PI4KA: variants seen among roughly 807,000 people sequenced by gnomAD.
The protein encoded by PI4KA is phosphatidylinositol 4-kinase alpha, also known as PI4-kinase alpha.
A neutral mutation model predicts 271.4 loss-of-function variants in PI4KA; 122 were observed. The ratio of observed to expected loss-of-function variants is 0.45; its 90% CI spans 0.39 to 0.52. The LOEUF (loss-of-function observed/expected upper bound fraction) is 0.52, where lower values mean the gene tolerates loss of function less well. Among genes scored for constraint, PI4KA ranks in the 20% least tolerant of loss-of-function variants. The pLI is 0.00. For synonymous variants in PI4KA, 1,041 were observed against 1,078.8 expected, an observed-to-expected ratio of 0.96 and a Z score of 0.69; for missense variants, 1,969 against 2,769.1, an observed-to-expected ratio of 0.71 and a Z score of 6.48.
chr22:20,793,957 G>A (rs1422577917), intron 18 of PI4KA, among the ~76,000 whole-genome samples: 1 of 152,238 alleles, frequency 6.6e-6, no homozygotes, highest in East Asian at 1.9e-4. Flanking sequence ...ACTGCGGCCA[G>A]GCACTGTGCT....
At chr22:20,761,745 G>A (rs952432642) in intron 22 of PI4KA, among the ~76,000 whole-genome samples, 8 of 152,198 alleles carry the variant, frequency 5.3e-5, no homozygotes, top group African/African-American at 1.7e-4. Flanking sequence ...GCCACCAAAC[G>A]AGAGGCAGCT....
At chr22:20,733,712 G>A in intron 35 of PI4KA, 24 bp downstream of exon 35, 1 of 1,613,882 alleles carries the variant, frequency 6.2e-7, no homozygotes, top group Non-Finnish European at 8.5e-7. Flanking sequence ...CCTGGACGCT[G>A]CACAGCACAT....
rs772638800 is a variant in PI4KA, at chr22:20,803,169, A to G, written c.1591+22T>C. 6 of 1,613,212 alleles carry G rather than the reference A, an allele frequency of 3.7e-6. No homozygotes were observed. The East Asian group carries it at 1.3e-4, about 36-fold the overall frequency. On this transcript the variant is annotated intron_variant, in intron 13 of 54. Transcript: ENST00000255882. The stretch of plus-strand genomic sequence containing the variant: ...ACAGAGCCCCTTTCTCAGGGCCTGA[A>G]GGGCACATAGTCTGTTATTACCTGT...
At position 20,751,306 on chromosome 22, in the gene PI4KA, T is replaced by C; in HGVS notation, c.3140A>G (p.Tyr1047Cys). The C allele has an allele frequency of 6.2e-7, 1 of 1,613,856 alleles. No individual in the cohort carries two copies. The highest frequency in any genetic ancestry group is 8.5e-7 in the Non-Finnish European group (1 of 1,179,794). Residue 1047 changes from tyrosine to cysteine, a missense_variant, in exon 27 of 55, where the codon TAC becomes TGC. Coordinates refer to ENST00000255882, the MANE Select transcript of PI4KA (RefSeq NM_058004.4). Reference protein sequence around the residue: ...APYRITVPDTYEARESIVKDF... With the variant: ...APYRITVPDTCEARESIVKDF... ...TGTCGGGCCTACCTCACGGGCTTCG[T>C]ACGTGTCAGGAACCGTGATCCGGTA...
At chr22:20,728,094 TAA>T (rs930357335) in intron 39 of PI4KA, among the ~76,000 whole-genome samples, 1 of 152,164 alleles carries the variant, frequency 6.6e-6, no homozygotes, top group African/African-American at 2.4e-5. Context: ...AAAATAACTT[TAA>T]AAGAGTGTAA....
chr22:20,799,132 C>G lies in PI4KA; in HGVS notation c.1965G>C (p.Leu655=), dbSNP rs769537449. 3.1e-6 allele frequency: 5 copies of G among 1,613,566 alleles called. No individual in the cohort carries two copies. Among genetic ancestry groups the G allele is most frequent in the Non-Finnish European group, 4.2e-6 (5 of 1,179,824 alleles). Residue 655 remains leucine, a synonymous_variant, in exon 16 of 55, where the codon CTG becomes CTC. Coordinates refer to ENST00000255882, the MANE Select transcript of PI4KA (RefSeq NM_058004.4). The part of the protein sequence containing the change: ...FCQPPSPLDV[L]IIDQLGCLVI... ...CCAGGCAGCCCAGCTGGTCAATAAT[C>G]AGCACATCGAGGGGGGAGGGTGGCT...
intron 19 of PI4KA, chr22:20,780,047 T>C: frequency 6.2e-7 from 1 of 1,614,178 alleles, no homozygotes; most frequent in Middle Eastern, 1.6e-4. Flanking sequence ...AGTATTACTT[T>C]GCTGAGGCCC....
In PI4KA at chr22:20,779,762, C is replaced by T. The variant is rs553724084; in HGVS notation, c.2328+13431G>A. On this transcript the variant is annotated intron_variant, in intron 19 of 54. Coordinates refer to ENST00000255882, the MANE Select transcript of PI4KA (RefSeq NM_058004.4). ...AAGACCAGGTCAACACTTTCGATAA[C>T]ATCTTCATAGCACCCGTTGGCATTT... is the stretch of plus-strand genomic sequence containing the variant. 5.6e-6 allele frequency: 9 copies of T among 1,614,218 alleles called. No homozygotes were observed. In the African/African-American group the frequency reaches 9.3e-5, roughly 17 times the overall value.
intron 43 of PI4KA, among the ~76,000 whole-genome samples, chr22:20,720,161 A>G (rs1926559841): frequency 6.6e-6 from 1 of 152,202 alleles, no homozygotes; most frequent in Non-Finnish European, 1.5e-5. Context: ...TATATTTTAC[A>G]AATGCCCACC....
intron 1 of PI4KA, among the ~76,000 whole-genome samples, chr22:20,854,245 C>T (rs1342207720): frequency 6.6e-6 from 1 of 151,952 alleles, no homozygotes; most frequent in Non-Finnish European, 1.5e-5. Flanking sequence ...CTCAGCCTCC[C>T]AAGTAGCTGG....
chr22:20,743,166 G>A (rs903171188), intron 30 of PI4KA, among the ~76,000 whole-genome samples: 2 of 152,188 alleles, frequency 1.3e-5, no homozygotes, highest in Admixed American at 6.5e-5. Context: ...TTTTTTGAGA[G>A]AGGGAGTCTC....
intron 40 of PI4KA, 41 bp downstream of exon 40, chr22:20,727,733 G>T: frequency 6.9e-7 from 1 of 1,455,728 alleles, no homozygotes; most frequent in Non-Finnish European, 9.6e-7. Context: ...GTGCTATTTT[G>T]TGCAGTTTGA....
rs562645459 is a variant in PI4KA, at chr22:20,811,584, T to C, written c.1006-552A>G. On this transcript the variant is annotated intron_variant, in intron 8 of 54. Coordinates refer to ENST00000255882, the MANE Select transcript of PI4KA (RefSeq NM_058004.4). ...GTACAGTATTTAGTGTAGGAATGAA[T>C]TGTTCTGTCAACTGCAGAACCACAA... 2.0e-5 allele frequency among the ~76,000 whole-genome samples: 3 copies of C among 148,936 alleles called. No individual in the cohort carries two copies. The Admixed American group carries it at 2.0e-4, about 10-fold the overall frequency.
intron 32 of PI4KA, among the ~76,000 whole-genome samples, chr22:20,738,178 G>A (rs1928963297): frequency 6.6e-6 from 1 of 152,112 alleles, no homozygotes; most frequent in South Asian, 2.1e-4. Flanking sequence ...GGCCCACACA[G>A]GAGTGAGCGT....
At chr22:20,746,297 C>T (rs1014381232) in intron 29 of PI4KA, among the ~76,000 whole-genome samples, 8 of 151,876 alleles carry the variant, frequency 5.3e-5, no homozygotes, top group Non-Finnish European at 8.8e-5. Flanking sequence ...CCACTGACCT[C>T]GTGATCCGCC....
At position 20,819,760 on chromosome 22, in the gene PI4KA, C is replaced by G. The variant is rs1432976839; in HGVS notation, c.670G>C (p.Glu224Gln). 1.9e-6 allele frequency: 3 copies of G among 1,614,158 alleles called. No individual in the cohort carries two copies. The highest frequency in any genetic ancestry group is 1.7e-6 in the Non-Finnish European group (2 of 1,180,034). The change falls in exon 6 of 55, where the codon GAA becomes CAA. Residue 224 changes from glutamate to glutamine, a missense_variant. By Grantham distance (29) the Glu-to-Gln change is conservative. Around this residue, in one of 13 missense-constraint regions of PI4KA, gnomAD observed 540 missense variants for 555.5 expected, o/e 0.97. Coordinates refer to ENST00000255882, the MANE Select transcript of PI4KA (RefSeq NM_058004.4). ...TTAAAGGAACGCCTTCGAACACCTT[C>G]AAGCTCTTCCAGGACACGGAGGGAA... The part of the protein sequence containing the change: ...PHSLRVLEEL[E>Q]GVRRRSFNDF...
At chr22:20,727,179 C>A (rs749870208) in intron 41 of PI4KA, 51 bp downstream of exon 41, 5 of 1,548,644 alleles carry the variant, frequency 3.2e-6, no homozygotes, top group East Asian at 2.3e-5. Context: ...CCAGGTAAGA[C>A]CCCTCCCAAC....
intron 9 of PI4KA, among the ~76,000 whole-genome samples, chr22:20,809,240 A>G (rs1398783259): frequency 6.6e-6 from 1 of 152,006 alleles, no homozygotes; most frequent in Admixed American, 6.5e-5. Context: ...ATCACTCACG[A>G]GCTATGTAAA....
intron 3 of PI4KA, among the ~76,000 whole-genome samples, chr22:20,829,400 A>G (rs531994888): frequency 6.6e-6 from 1 of 152,254 alleles, no homozygotes; most frequent in Non-Finnish European, 1.5e-5. Flanking sequence ...GTATATGTCC[A>G]GGAATTTATC....
Sources: allele counts gnomAD v4.1 joint callset (sites outside exome capture counted in the v4.1 genomes callset), GRCh38; gene constraint gnomAD v4.1.1; regional missense constraint gnomAD v4.1.1; transcripts MANE v1.5; gene names NCBI Gene and HGNC (gene_info 2026-07-23, HGNC 2026-07-21).